Variants in PRPF18 observed in about 807,000 individuals in gnomAD.
The protein encoded by PRPF18 is pre-mRNA-splicing factor 18.
PRPF18 carries 38 observed loss-of-function variants against 46.5 expected under a neutral mutation model. The observed-to-expected ratio is 0.82, with a 90% CI of 0.63 to 1.07. PRPF18 has a LOEUF of 1.07. Ranked by LOEUF, PRPF18 falls within the 50% of genes least tolerant of loss-of-function variation. PRPF18 has a pLI of 0.00. For synonymous variants in PRPF18, 152 were observed against 146.7 expected (o/e 1.04, Z -0.26); for missense variants, 263 against 410.0 (o/e 0.64, Z 3.10).
At chr10:13,640,090 C>T in the PRPF18 span, 1 of 152,180 alleles carries the variant, frequency 6.6e-6, no homozygotes, top group African/African-American at 2.4e-5. Context: ...TCTGTGGAGT[C>T]CCCACATTTC....
chr10:13,619,697 A>C (rs1589134411), intron 9 of PRPF18, among the ~76,000 whole-genome samples: 1 of 152,146 alleles, frequency 6.6e-6, no homozygotes, highest in African/African-American at 2.4e-5. Context: ...CTGTAAGAGA[A>C]ATGAGCAATG....
the PRPF18 span, among the ~76,000 whole-genome samples, chr10:13,649,897 ACTGGAACATGAG>A: frequency 6.6e-6 from 1 of 152,240 alleles, no homozygotes; most frequent in Admixed American, 6.5e-5. Context: ...TCAGTCATTC[ACTGGAACATGAG>A]CTGGGGCAGG....
chr10:13,611,881 C>CT (rs376808326), intron 6 of PRPF18, among the ~76,000 whole-genome samples, 198 bp downstream of exon 6: 2,293 of 139,872 alleles, frequency 0.016, 19 homozygotes, highest in Non-Finnish European at 0.022. Flanking sequence ...TTTCTTGTGG[C>CT]TTTTTTTTTT....
At chr10:13,591,068 T>C (rs774118353) in intron 1 of PRPF18, among the ~76,000 whole-genome samples, 19 of 152,222 alleles carry the variant, frequency 1.2e-4, no homozygotes, top group Non-Finnish European at 2.4e-4. Flanking sequence ...GGTTACACGA[T>C]GTTCTCATAT....
At chr10:13,648,725 G>A in the PRPF18 span, 21 of 152,228 alleles carry the variant, frequency 1.4e-4, no homozygotes, top group African/African-American at 5.1e-4. Flanking sequence ...GCTTACGCTT[G>A]TTGAACTGAG....
intron 9 of PRPF18, among the ~76,000 whole-genome samples, chr10:13,620,509 T>C (rs913032651): frequency 1.3e-5 from 2 of 152,234 alleles, no homozygotes; most frequent in African/African-American, 4.8e-5. Flanking sequence ...ATACGTGTCA[T>C]GTATATCAAG....
Position 13,604,764 on chromosome 10 carries a change from A to G in PRPF18, c.250-867A>G, listed in dbSNP as rs532853597. Among the ~76,000 whole-genome samples, 3 of 152,346 alleles carry G rather than the reference A, an allele frequency of 2.0e-5. No homozygotes were observed. In the South Asian group the frequency reaches 6.2e-4, roughly 32 times the overall value. The stretch of plus-strand genomic sequence containing the variant: ...TGATGGTAACACAGTATATCTGTTT[A>G]TGGAAAATTAAAAGAATAAACAGAT... On this transcript the variant is annotated intron_variant, in intron 3 of 9. Coordinates refer to ENST00000378572, the MANE Select transcript of PRPF18 (RefSeq NM_003675.4).
intron 5 of PRPF18, among the ~76,000 whole-genome samples, chr10:13,611,371 A>C (rs1441954311): frequency 2.0e-5 from 3 of 152,216 alleles, no homozygotes; most frequent in African/African-American, 7.2e-5. Flanking sequence ...TGGTTCCCCC[A>C]AAAAGAAATC....
At chr10:13,628,838 T>C (rs2080549316) in intron 9 of PRPF18, among the ~76,000 whole-genome samples, 1 of 152,236 alleles carries the variant, frequency 6.6e-6, no homozygotes, top group African/African-American at 2.4e-5. Flanking sequence ...ATAGGATTCA[T>C]TGCTGGTTAC....
At chr10:13,613,362 C>A (rs536513863) in intron 6 of PRPF18, among the ~76,000 whole-genome samples, 1 of 152,186 alleles carries the variant, frequency 6.6e-6, no homozygotes, top group East Asian at 1.9e-4. Flanking sequence ...ATGGTCTCTA[C>A]AGCATATGTA....
chr10:13,631,565 G>C (rs2080590040), downstream of PRPF18: 1 of 152,238 alleles, frequency 6.6e-6, no homozygotes, highest in East Asian at 1.9e-4. Flanking sequence ...CAAATAATAA[G>C]AGCTCGTAAA....
At chr10:13,634,125 G>C (rs1285366193), downstream of PRPF18, among the ~76,000 whole-genome samples, 2 of 152,168 alleles carry the variant, frequency 1.3e-5, no homozygotes, top group Admixed American at 1.3e-4. Flanking sequence ...TGAAAAACAT[G>C]CTCATTTAAA....
At chr10:13,589,997 C>A (rs1035097709) in intron 1 of PRPF18, among the ~76,000 whole-genome samples, 1 of 151,940 alleles carries the variant, frequency 6.6e-6, no homozygotes, top group Non-Finnish European at 1.5e-5. Context: ...GTGTTGAAAT[C>A]TAAGTGCTTT....
At chr10:13,636,912 A>G in the PRPF18 span, 2 of 152,232 alleles carry the variant, frequency 1.3e-5, no homozygotes, top group African/African-American at 4.8e-5. Flanking sequence ...CGTCATTCCA[A>G]AAAAGAACCC....
Position 13,597,554 on chromosome 10 carries a change from A to G in PRPF18, c.144+19A>G, listed in dbSNP as rs1246378194. 5.0e-6 allele frequency: 8 copies of G among 1,604,034 alleles called. No individual in the cohort carries two copies. The highest frequency in any genetic ancestry group is 3.4e-5 in the South Asian group (3 of 89,486). ...CTACAAGGTATGAATGTCTGCTTTTATGTTAAATTGTACATTTCTGAGTTT... is the reference window on the plus strand; with the variant it reads ...CTACAAGGTATGAATGTCTGCTTTTGTGTTAAATTGTACATTTCTGAGTTT... On this transcript the variant is annotated intron_variant, in intron 2 of 9. Coordinates refer to ENST00000378572, the MANE Select transcript of PRPF18 (RefSeq NM_003675.4).
intron 4 of PRPF18, among the ~76,000 whole-genome samples, chr10:13,606,749 A>C (rs927843519): frequency 2.0e-5 from 3 of 150,488 alleles, no homozygotes; most frequent in African/African-American, 7.4e-5. Flanking sequence ...AAAAAAAAAA[A>C]AAAAAAAAAC....
the PRPF18 span, among the ~76,000 whole-genome samples, chr10:13,638,274 G>A: frequency 2.0e-5 from 3 of 150,746 alleles, no homozygotes; most frequent in East Asian, 1.9e-4. Flanking sequence ...AAAGATGGCA[G>A]AGCAGAAGAT....
chr10:13,606,944 G>A (rs1023334524), intron 4 of PRPF18, among the ~76,000 whole-genome samples: 8 of 152,108 alleles, frequency 5.3e-5, no homozygotes, highest in Admixed American at 5.2e-4. Flanking sequence ...ATGTGGTATT[G>A]TTAGTCTTTT....
At chr10:13,651,619 G>GCCGA in the PRPF18 span, 112 of 340,562 alleles carry the variant, frequency 3.3e-4, no homozygotes, top group African/African-American at 2.3e-3. Flanking sequence ...GTTGCAGTGA[G>GCCGA]CCGAGATCAT....
Sources: gnomAD v4.1 joint callset for allele counts (sites outside exome capture counted in the v4.1 genomes callset) on GRCh38, gnomAD v4.1.1 for gene constraint, MANE v1.5 for transcripts, NCBI Gene and HGNC (gene_info 2026-07-23, HGNC 2026-07-21) for gene names.